The following ABCA10 variants were observed in gnomAD, a reference collection of about 807,000 sequenced individuals.
The protein encoded by ABCA10 is ATP-binding cassette sub-family A member 10.
A neutral mutation model predicts 187.5 loss-of-function variants in ABCA10; 169 were observed. The ratio of observed to expected loss-of-function variants is 0.90; its 90% CI spans 0.80 to 1.02. The LOEUF (loss-of-function observed/expected upper bound fraction) is 1.02, where lower values mean the gene tolerates loss of function less well. Among genes scored for constraint, ABCA10 ranks in the 50% least tolerant of loss-of-function variants. ABCA10 has a pLI of 0.00. For missense variants in ABCA10, 1,727 were observed against 1,812.4 expected, an observed-to-expected ratio of 0.95 and a Z score of 0.86; for synonymous variants, 574 against 601.8, an observed-to-expected ratio of 0.95 and a Z score of 0.68.
intron 32 of ABCA10, 51 bp downstream of exon 32, chr17:69,153,780 G>A: frequency 6.5e-7 from 1 of 1,548,600 alleles, no homozygotes; most frequent in South Asian, 1.3e-5. Context: ...ATGAAGAAAT[G>A]ACATATTTTC....
chr17:69,213,412 T>C (rs9894689), intron 9 of ABCA10, among the ~76,000 whole-genome samples: 97,700 of 126,686 alleles, frequency 0.77, 35,428 homozygotes, highest in African/African-American at 0.84. Flanking sequence ...GGTTTGCGGG[T>C]GGGGGGAGGG....
intron 20 of ABCA10, among the ~76,000 whole-genome samples, chr17:69,183,019 T>G (rs929936989): frequency 6.6e-6 from 1 of 152,204 alleles, no homozygotes; most frequent in Non-Finnish European, 1.5e-5. Context: ...GACTCCTTTA[T>G]TCTTTTCAGA....
chr17:69,220,930 C>T (rs2144846466), intron 5 of ABCA10, among the ~76,000 whole-genome samples: 1 of 152,282 alleles, frequency 6.6e-6, no homozygotes, highest in East Asian at 1.9e-4. Context: ...AAAATATTTA[C>T]TGTGTGGTCC....
At chr17:69,179,209 C>CA (rs746569759) in intron 22 of ABCA10, among the ~76,000 whole-genome samples, 10,193 of 134,146 alleles carry the variant, frequency 0.076, 468 homozygotes, top group Admixed American at 0.17. Flanking sequence ...ACAAAACAAA[C>CA]AAAAAAAAAA....
intron 25 of ABCA10, among the ~76,000 whole-genome samples, chr17:69,169,122 C>T (rs1411819996): frequency 1.3e-5 from 2 of 152,166 alleles, no homozygotes; most frequent in African/African-American, 2.4e-5. Context: ...CTAGAAAGTA[C>T]TACTGTTATT....
chr17:69,210,170 C>CTTT lies in ABCA10; in HGVS notation c.1006+4531_1006+4533dup, dbSNP rs1160992125. On this transcript the variant is annotated intron_variant, in intron 9 of 38. Coordinates refer to ENST00000690296, the MANE Select transcript of ABCA10 (RefSeq NM_001377321.1). ...TGGGTAAATTATTTAGTGGTTATTT[C>CTTT]TTTTTTTTTTTTTTTTTTTTTTTTT... is the stretch of plus-strand genomic sequence containing the variant. Among the ~76,000 whole-genome samples the CTTT allele has an allele frequency of 1.6e-3, 114 of 70,886 alleles. 6 individuals carry two copies. The highest frequency in any genetic ancestry group is 2.5e-3 in the African/African-American group (37 of 14,966). 46.5% of individuals were successfully genotyped at this position (70,886 alleles called of 152,430 possible).
At chr17:69,149,619 CAT>C (rs2074113719) in intron 37 of ABCA10, among the ~76,000 whole-genome samples, 1 of 152,156 alleles carries the variant, frequency 6.6e-6, no homozygotes, top group South Asian at 2.1e-4. Context: ...CTTTTAGAAA[CAT>C]AGAGACCTCA....
At chr17:69,164,906 G>T in intron 26 of ABCA10, 58 bp downstream of exon 26, 1 of 1,555,982 alleles carries the variant, frequency 6.4e-7, no homozygotes, top group South Asian at 1.2e-5. Context: ...AATGGGTAAG[G>T]ATTTTATTAA....
chr17:69,220,046 TAGAG>T (rs1475954371), intron 5 of ABCA10, among the ~76,000 whole-genome samples: 1 of 152,190 alleles, frequency 6.6e-6, no homozygotes, highest in Non-Finnish European at 1.5e-5. Context: ...TTCATTCTCA[TAGAG>T]ATTTACATTT....
At chr17:69,191,427 A>C in intron 16 of ABCA10, 112 bp from the exon 17 acceptor site, 1 of 1,122,166 alleles carries the variant, frequency 8.9e-7, no homozygotes, top group Non-Finnish European at 1.1e-6. Flanking sequence ...TATTCTACTT[A>C]ACTCTAGTAA....
intron 13 of ABCA10, 28 bp from the exon 14 acceptor site, chr17:69,193,640 T>C (rs748556161): frequency 6.4e-6 from 10 of 1,573,552 alleles, no homozygotes; most frequent in Non-Finnish European, 8.6e-6. Context: ...GTGTTAACAA[T>C]ATCAAATATT....
At chr17:69,170,908 A>G (rs2074293480) in intron 25 of ABCA10, among the ~76,000 whole-genome samples, 2 of 152,228 alleles carry the variant, frequency 1.3e-5, no homozygotes, top group Admixed American at 1.3e-4. Flanking sequence ...CTTTAAAGTC[A>G]TTCCCTGCAA....
intron 1 of ABCA10, among the ~76,000 whole-genome samples, chr17:69,241,685 T>A (rs573914419): frequency 1.8e-4 from 28 of 152,324 alleles, no homozygotes; most frequent in African/African-American, 6.7e-4. Context: ...TGTGCTTTCA[T>A]CTGCAGCACC....
chr17:69,171,928 G>A (rs1234325481), intron 25 of ABCA10, among the ~76,000 whole-genome samples: 1 of 130,106 alleles, frequency 7.7e-6, no homozygotes. Context: ...ATGCATTTTG[G>A]GAAGCCAAAA....
intron 1 of ABCA10, among the ~76,000 whole-genome samples, chr17:69,235,423 C>G (rs1440955176): frequency 6.6e-6 from 1 of 152,184 alleles, no homozygotes; most frequent in Non-Finnish European, 1.5e-5. Flanking sequence ...CTCTGGCTCA[C>G]CCCTCTTACT....
Position 69,196,052 on chromosome 17 carries a change from C to T in ABCA10, c.1234+1012G>A, listed in dbSNP as rs538656963. On this transcript the variant is annotated intron_variant, in intron 11 of 38. Transcript: ENST00000690296. The stretch of plus-strand genomic sequence containing the variant: ...ACAAAACCGCCATCATCATCATGGC[C>T]CGTTCTCAATGAGCTGCTGGGTACA... Among the ~76,000 whole-genome samples, 382 of 152,346 alleles carry T rather than the reference C, an allele frequency of 2.5e-3. 1 individual carries two copies. Among genetic ancestry groups the T allele is most frequent in the African/African-American group, 8.8e-3 (368 of 41,582 alleles).
intron 9 of ABCA10, among the ~76,000 whole-genome samples, chr17:69,211,067 C>T (rs1010108873): frequency 4.0e-5 from 6 of 150,422 alleles, no homozygotes; most frequent in Admixed American, 1.3e-4. Context: ...GAAAACAGTA[C>T]GGAGATTCCT....
chr17:69,173,495 G>C (rs1258800917), intron 25 of ABCA10, among the ~76,000 whole-genome samples: 2 of 152,052 alleles, frequency 1.3e-5, no homozygotes, highest in African/African-American at 4.8e-5. Flanking sequence ...GGAAAATCCA[G>C]AAGAAGAAGA....
chr17:69,223,263 A>G (rs1230163086), intron 3 of ABCA10, among the ~76,000 whole-genome samples: 1 of 138,754 alleles, frequency 7.2e-6, no homozygotes, highest in Non-Finnish European at 1.5e-5. Context: ...TTTTCTGCCA[A>G]GATTATAAAC....
Sources: allele counts gnomAD v4.1 joint callset (sites outside exome capture counted in the v4.1 genomes callset), GRCh38; gene constraint gnomAD v4.1.1; transcripts MANE v1.5; gene names NCBI Gene and HGNC (gene_info 2026-07-23, HGNC 2026-07-21).